EPHA6: variants seen among roughly 807,000 people sequenced by gnomAD.
The protein encoded by EPHA6 is ephrin type-A receptor 6.
A neutral mutation model predicts 112.0 loss-of-function variants in EPHA6; 50 were observed. That is an observed-to-expected ratio of 0.45 (90% confidence interval 0.36 to 0.56). The LOEUF is 0.56. EPHA6 is among the 20% of genes least tolerant of loss of function. EPHA6 has a pLI of 0.00. For synonymous variants in EPHA6, 529 were observed against 490.7 expected, an observed-to-expected ratio of 1.08 and a Z score of -1.03; for missense variants, 1,280 against 1,417.4, an observed-to-expected ratio of 0.90 and a Z score of 1.56.
intron 6 of EPHA6, among the ~76,000 whole-genome samples, chr3:97,420,352 A>C (rs2107180533): frequency 6.6e-6 from 1 of 152,192 alleles, no homozygotes; most frequent in South Asian, 2.1e-4. Context: ...AAAACTGGGA[A>C]GAAAAATGAA....
At chr3:96,909,656 T>C (rs773337323) in intron 2 of EPHA6, among the ~76,000 whole-genome samples, 3 of 152,130 alleles carry the variant, frequency 2.0e-5, no homozygotes, top group Non-Finnish European at 4.4e-5. Context: ...ACTTTGAAAC[T>C]AAAGATATTC....
chr3:96,944,745 T>C (rs1032050106), intron 2 of EPHA6, among the ~76,000 whole-genome samples: 6 of 152,094 alleles, frequency 3.9e-5, no homozygotes, highest in Non-Finnish European at 4.4e-5. Flanking sequence ...ATTGAGACCA[T>C]CCTGGCCAAC....
At chr3:97,583,966 A>G (rs1005798681) in intron 11 of EPHA6, among the ~76,000 whole-genome samples, 1 of 152,188 alleles carries the variant, frequency 6.6e-6, no homozygotes, top group Non-Finnish European at 1.5e-5. Flanking sequence ...GAACTTTAGA[A>G]TTTTAAAAGT....
At chr3:97,291,293 C>T (rs75658497) in intron 5 of EPHA6, among the ~76,000 whole-genome samples, 3,277 of 152,206 alleles carry the variant, frequency 0.022, 88 homozygotes, top group African/African-American at 0.067. Flanking sequence ...TTGTTACCTA[C>T]GTATAATCTA....
chr3:97,539,373 C>A (rs981186740), intron 11 of EPHA6, among the ~76,000 whole-genome samples: 1 of 152,070 alleles, frequency 6.6e-6, no homozygotes, highest in African/African-American at 2.4e-5. Context: ...GTCTCAAACT[C>A]CTGACCTCAA....
intron 3 of EPHA6, among the ~76,000 whole-genome samples, chr3:97,083,299 T>C (rs1416606451): frequency 6.6e-6 from 1 of 152,052 alleles, no homozygotes; most frequent in Non-Finnish European, 1.5e-5. Flanking sequence ...CATTCTTTAG[T>C]GTGACAGTGA....
At chr3:97,643,195 T>C (rs1560222540) in intron 14 of EPHA6, among the ~76,000 whole-genome samples, 2 of 149,212 alleles carry the variant, frequency 1.3e-5, no homozygotes, top group Non-Finnish European at 3.0e-5. Flanking sequence ...CAAACTAAGC[T>C]TCATAAGTGA....
rs368572604 is a variant in EPHA6 at position 97,360,990 on chromosome 3, A to T, written c.1607-44160A>T. On this transcript the variant is annotated intron_variant, in intron 5 of 17. Coordinates refer to ENST00000389672, the MANE Select transcript of EPHA6 (RefSeq NM_001080448.3). ...AGGAGACATTACTCAGCTCAATTCCATCAATTGGATGTGCCCTTTTGAGTT... is the reference window on the plus strand; with the variant it reads ...AGGAGACATTACTCAGCTCAATTCCTTCAATTGGATGTGCCCTTTTGAGTT... 2.0e-5 allele frequency among the ~76,000 whole-genome samples: 3 copies of T among 152,264 alleles called. No individual in the cohort carries two copies. The South Asian group carries it at 6.2e-4, about 32-fold the overall frequency.
intron 2 of EPHA6, among the ~76,000 whole-genome samples, chr3:96,967,630 G>A (rs572176865): frequency 6.6e-6 from 1 of 151,598 alleles, no homozygotes; most frequent in African/African-American, 2.4e-5. Context: ...AACTGTTTTG[G>A]ATTATTTTGT....
At chr3:96,903,904 G>A (rs1413628077) in intron 2 of EPHA6, among the ~76,000 whole-genome samples, 1 of 152,128 alleles carries the variant, frequency 6.6e-6, no homozygotes, top group Non-Finnish European at 1.5e-5. Flanking sequence ...AAACCACAAT[G>A]AGATACCATC....
At chr3:97,238,625 A>G (rs2078750450) in intron 4 of EPHA6, among the ~76,000 whole-genome samples, 1 of 151,926 alleles carries the variant, frequency 6.6e-6, no homozygotes, top group Non-Finnish European at 1.5e-5. Flanking sequence ...ATTATGTGAA[A>G]TATTAAGTAC....
intron 3 of EPHA6, among the ~76,000 whole-genome samples, chr3:97,220,682 AT>A (rs1021475874): frequency 1.3e-5 from 2 of 152,172 alleles, no homozygotes; most frequent in African/African-American, 4.8e-5. Flanking sequence ...CCATGATTCA[AT>A]TATATCCACG....
chr3:97,215,239 A>G (rs776352804), intron 3 of EPHA6, among the ~76,000 whole-genome samples: 1 of 152,212 alleles, frequency 6.6e-6, no homozygotes, highest in East Asian at 1.9e-4. Context: ...ACTGCTAACA[A>G]TATATAGTCT....
intron 3 of EPHA6, among the ~76,000 whole-genome samples, chr3:97,144,612 C>T (rs1163761409): frequency 6.6e-6 from 1 of 151,308 alleles, no homozygotes; most frequent in African/African-American, 2.4e-5. Flanking sequence ...TTGTTCACTG[C>T]TGGGAAATAA....
intron 11 of EPHA6, chr3:97,570,008 C>T (rs1384261925): frequency 6.6e-6 from 1 of 152,138 alleles, no homozygotes; most frequent in Non-Finnish European, 1.5e-5. Context: ...AAACAAATTT[C>T]TCACGTGTAG....
Position 97,293,887 on chromosome 3 carries a change from C to T in EPHA6, c.1606+49600C>T, listed in dbSNP as rs571696703. On this transcript the variant is annotated intron_variant, in intron 5 of 17. Coordinates refer to ENST00000389672, the MANE Select transcript of EPHA6 (RefSeq NM_001080448.3). ...TGTGCCAAGCCACCTTCAGCCTCCC[C>T]GGCCTGCCTCCCGTGTTCATCAGTT... Among the ~76,000 whole-genome samples, 121 of 152,338 alleles carry T rather than the reference C, an allele frequency of 7.9e-4. 1 individual carries two copies. The highest frequency in any genetic ancestry group is 2.7e-3 in the African/African-American group (111 of 41,574).
intron 11 of EPHA6, among the ~76,000 whole-genome samples, chr3:97,562,536 G>A (rs1194662156): frequency 6.6e-6 from 1 of 152,166 alleles, no homozygotes; most frequent in Non-Finnish European, 1.5e-5. Flanking sequence ...TGGACAAGGA[G>A]TTACTTCTAT....
chr3:97,291,241 G>A (rs2080670539), intron 5 of EPHA6, among the ~76,000 whole-genome samples: 1 of 152,150 alleles, frequency 6.6e-6, no homozygotes, highest in South Asian at 2.1e-4. Context: ...TGATAAGATA[G>A]TTGAGAAGAT....
At chr3:97,389,452 TA>T (rs2086271794) in intron 5 of EPHA6, among the ~76,000 whole-genome samples, 1 of 152,206 alleles carries the variant, frequency 6.6e-6, no homozygotes, top group Non-Finnish European at 1.5e-5. Context: ...TGCTGAATTA[TA>T]ATATTTATTT....
Sources: allele counts gnomAD v4.1 joint callset (sites outside exome capture counted in the v4.1 genomes callset), GRCh38; gene constraint gnomAD v4.1.1; transcripts MANE v1.5; gene names NCBI Gene and HGNC (gene_info 2026-07-23, HGNC 2026-07-21).